EP300: variants seen among roughly 807,000 people sequenced by gnomAD.
EP300 encodes EP300 lysine acetyltransferase.
Under a neutral mutation model 264.0 loss-of-function variants are expected in EP300, and 31 were observed. That is an observed-to-expected ratio of 0.12 (90% CI 0.09 to 0.16). The LOEUF is 0.16. EP300 is among the 10% of genes least tolerant of loss of function. EP300 has a pLI of 1.00. For synonymous variants in EP300, 1,340 were observed against 1,045.4 expected (o/e 1.28, Z -5.44); for missense variants, 2,766 against 3,052.9 (o/e 0.91, Z 2.21).
At chr22:41,105,544 A>G (rs1418851088) in intron 1 of EP300, among the ~76,000 whole-genome samples, 1 of 151,606 alleles carries the variant, frequency 6.6e-6, no homozygotes, top group Non-Finnish European at 1.5e-5. Context: ...GACTATAGGC[A>G]CATGCCACCA....
Position 41,179,256 on chromosome 22 carries a change from G to T in EP300, c.*300G>T. 1 of 387,496 alleles carries T rather than the reference G, an allele frequency of 2.6e-6. No individual in the cohort carries two copies. The highest frequency in any genetic ancestry group is 4.5e-5 in the South Asian group (1 of 22,004). 24.0% of individuals were successfully genotyped at this position (387,496 alleles called of 1,614,324 possible). A position where few individuals can be genotyped will look rare whatever the true frequency, so the allele number is the denominator to read the frequency against. On this transcript the variant is annotated 3_prime_UTR_variant, in exon 31 of 31. Coordinates refer to ENST00000263253, the MANE Select transcript of EP300 (RefSeq NM_001429.4). ...TGAGGCCTGTGAAGCCAAACAATATGCTCCTGCCTTGCACCTCCAATAGGT... is the reference window on the plus strand; with the variant it reads ...TGAGGCCTGTGAAGCCAAACAATATTCTCCTGCCTTGCACCTCCAATAGGT...
chr22:41,144,395 A>G (rs949310407), intron 10 of EP300, among the ~76,000 whole-genome samples: 2 of 152,134 alleles, frequency 1.3e-5, no homozygotes, highest in African/African-American at 4.8e-5. Flanking sequence ...TGTTTCGCCC[A>G]GCCTGGAGTG....
At chr22:41,173,233 A>G (rs1468214067) in intron 28 of EP300, among the ~76,000 whole-genome samples, 1 of 152,196 alleles carries the variant, frequency 6.6e-6, no homozygotes, top group Non-Finnish European at 1.5e-5. Context: ...TTGTAGGCTC[A>G]TAACATTTTA....
intron 29 of EP300, among the ~76,000 whole-genome samples, chr22:41,174,147 G>C (rs2059186934): frequency 6.6e-6 from 1 of 151,162 alleles, no homozygotes; most frequent in African/African-American, 2.4e-5. Flanking sequence ...AACACTGACT[G>C]TTCGCTGGGC....
chr22:41,138,563 T>C (rs183041711), intron 8 of EP300, among the ~76,000 whole-genome samples: 4 of 152,280 alleles, frequency 2.6e-5, no homozygotes, highest in East Asian at 1.9e-4. Context: ...GAAGTTGATA[T>C]ATTTCAGGCA....
chr22:41,148,051 A>C, intron 12 of EP300, 105 bp downstream of exon 12: 2 of 821,052 alleles, frequency 2.4e-6, no homozygotes, highest in Non-Finnish European at 3.8e-6. Context: ...ACAGACCATA[A>C]CTCCTAGTTC....
At position 41,113,157 on chromosome 22, in the gene EP300, A is replaced by ACGC. The variant is rs768546402; in HGVS notation, c.95-4029_95-4028insGCC. Among the ~76,000 whole-genome samples, 3 of 92,918 alleles carry ACGC rather than the reference A, an allele frequency of 3.2e-5. 1 individual carries two copies. Among genetic ancestry groups the ACGC allele is most frequent in the Non-Finnish European group, 6.2e-5 (3 of 48,720 alleles). The allele number at this position is 92,918 out of a possible 152,430, so 61.0% of individuals were successfully genotyped here. On this transcript the variant is annotated intron_variant, in intron 1 of 30. Coordinates refer to ENST00000263253, the MANE Select transcript of EP300 (RefSeq NM_001429.4). The stretch of plus-strand genomic sequence containing the variant: ...GTTGGCTTGTTTGAATCAGGATTCC[A>ACGC]CCCCCCCCCCAACTTATGCTATGGA...
intron 26 of EP300, 60 bp downstream of exon 26, chr22:41,169,676 T>A (rs893948838): frequency 2.1e-6 from 2 of 967,732 alleles, no homozygotes; most frequent in African/African-American, 3.2e-5. Context: ...TGGTGAGATA[T>A]AGGTTAAATA....
intron 3 of EP300, 101 bp downstream of exon 3, chr22:41,126,141 C>A (rs2145708370): frequency 8.5e-7 from 1 of 1,178,576 alleles, no homozygotes; most frequent in East Asian, 2.4e-5. Flanking sequence ...GGATTTGTAC[C>A]CACTAGGAGC....
At position 41,104,190 on chromosome 22, in the gene EP300, A is replaced by G. The variant is rs548153214; in HGVS notation, c.94+11092A>G. ...TCAAAATCAAGAAATGTTCAGTGACAGTTAAGTTAGCACACAATTTAGGCT... is the reference window on the plus strand; with the variant it reads ...TCAAAATCAAGAAATGTTCAGTGACGGTTAAGTTAGCACACAATTTAGGCT... On this transcript the variant is annotated intron_variant, in intron 1 of 30. Coordinates refer to ENST00000263253, the MANE Select transcript of EP300 (RefSeq NM_001429.4). Among the ~76,000 whole-genome samples, 21 of 152,210 alleles carry G rather than the reference A, an allele frequency of 1.4e-4. No individual in the cohort carries two copies. In the South Asian group the frequency reaches 2.5e-3, roughly 18 times the overall value.
intron 6 of EP300, among the ~76,000 whole-genome samples, chr22:41,132,369 C>G (rs2058925357): frequency 6.8e-6 from 1 of 146,366 alleles, no homozygotes; most frequent in Non-Finnish European, 1.5e-5. Flanking sequence ...CTCACTGCAA[C>G]CTCTGCCTCC....
chr22:41,092,904 C>T lies in EP300; in HGVS notation c.-101C>T. 4.4e-6 allele frequency: 6 copies of T among 1,349,224 alleles called. No individual in the cohort carries two copies. The highest frequency in any genetic ancestry group is 6.4e-6 in the Non-Finnish European group (6 of 940,184). 83.6% of individuals were successfully genotyped at this position (1,349,224 alleles called of 1,614,324 possible). A position where few individuals can be genotyped will look rare whatever the true frequency, so the allele number is the denominator to read the frequency against. ...CCACCCCCTCGGGTGCCGTCGGAGC[C>T]CCCCAGCCCACCCCTGGGTGCGGCG... On this transcript the variant is annotated 5_prime_UTR_variant, in exon 1 of 31. Coordinates refer to ENST00000263253, the MANE Select transcript of EP300 (RefSeq NM_001429.4).
intron 1 of EP300, among the ~76,000 whole-genome samples, chr22:41,093,661 CT>C (rs1005345366): frequency 6.6e-6 from 1 of 151,966 alleles, no homozygotes; most frequent in East Asian, 1.9e-4. Flanking sequence ...CCATTCTTAG[CT>C]TTTTTTTCCT....
chr22:41,170,198 A>T (rs2059161670), intron 26 of EP300, among the ~76,000 whole-genome samples: 1 of 152,246 alleles, frequency 6.6e-6, no homozygotes, highest in African/African-American at 2.4e-5. Flanking sequence ...TCCAAAAATA[A>T]GTAGGCAATA....
At chr22:41,098,986 ATGTGTTCATTGTTAACTGTT>A in intron 1 of EP300, among the ~76,000 whole-genome samples, 1 of 152,260 alleles carries the variant, frequency 6.6e-6, no homozygotes, top group African/African-American at 2.4e-5. Flanking sequence ...TCTGTGTAGT[ATGTGTTCATTGTTAACTGTT>A]TTTAACTTTA....
chr22:41,118,786 C>T (rs1328031643), intron 2 of EP300, among the ~76,000 whole-genome samples: 1 of 124,718 alleles, frequency 8.0e-6, no homozygotes, highest in Non-Finnish European at 1.7e-5. Context: ...ACCCCATCTT[C>T]TATTTAAGGG....
chr22:41,153,997 C>T (rs2059062040), intron 16 of EP300, among the ~76,000 whole-genome samples: 3 of 152,126 alleles, frequency 2.0e-5, no homozygotes, highest in Non-Finnish European at 4.4e-5. Flanking sequence ...TCACTGGCTT[C>T]TCAAAGAACT....
chr22:41,120,752 C>A (rs2058847844), intron 2 of EP300, among the ~76,000 whole-genome samples: 1 of 152,092 alleles, frequency 6.6e-6, no homozygotes, highest in African/African-American at 2.4e-5. Flanking sequence ...GGATCTCTTC[C>A]TATCACCCAG....
intron 1 of EP300, among the ~76,000 whole-genome samples, chr22:41,109,579 A>C (rs1031828129): frequency 1.6e-4 from 25 of 152,204 alleles, no homozygotes; most frequent in Admixed American, 8.5e-4. Flanking sequence ...ACAATAGGTA[A>C]CATGTTTATA....
Sources: gnomAD v4.1 joint callset for allele counts (sites outside exome capture counted in the v4.1 genomes callset) on GRCh38, gnomAD v4.1.1 for gene constraint, MANE v1.5 for transcripts, NCBI Gene and HGNC (gene_info 2026-07-23, HGNC 2026-07-21) for gene names.